TENM2: variants seen among roughly 807,000 people sequenced by gnomAD.
TENM2 encodes the protein teneurin transmembrane protein 2.
In TENM2, 52 loss-of-function variants were observed where a neutral mutation model predicts 245.2. That is an observed-to-expected ratio of 0.21 (90% CI 0.17 to 0.27). TENM2 has a LOEUF of 0.27. TENM2 is among the 10% of genes least tolerant of loss of function. TENM2 has a pLI of 1.00. For missense variants in TENM2, 3,046 were observed against 3,666.8 expected, an observed-to-expected ratio of 0.83 and a Z score of 4.37; for synonymous variants, 1,363 against 1,438.9, an observed-to-expected ratio of 0.95 and a Z score of 1.19.
intron 1 of TENM2, among the ~76,000 whole-genome samples, chr5:167,362,392 A>G (rs1033612206): frequency 2.0e-5 from 3 of 152,186 alleles, no homozygotes; most frequent in African/African-American, 7.2e-5. Flanking sequence ...CCCCTCAAAT[A>G]TTTGTGGTCT....
chr5:168,016,746 C>G (rs1366262843), intron 5 of TENM2, among the ~76,000 whole-genome samples: 1 of 152,336 alleles, frequency 6.6e-6, no homozygotes, highest in South Asian at 2.1e-4. Context: ...TAGAATGGCG[C>G]TGGAATCCCC....
intron 2 of TENM2, among the ~76,000 whole-genome samples, chr5:167,508,562 T>A (rs897460789): frequency 3.3e-5 from 5 of 152,210 alleles, no homozygotes; most frequent in Admixed American, 6.5e-5. Context: ...CTTTTCTATG[T>A]ATGTTATCAT....
intron 2 of TENM2, among the ~76,000 whole-genome samples, chr5:167,459,614 C>A (rs1766154463): frequency 6.6e-6 from 1 of 152,092 alleles, no homozygotes; most frequent in Non-Finnish European, 1.5e-5. Flanking sequence ...CTGATCATAC[C>A]ATTTTCCATA....
intron 2 of TENM2, among the ~76,000 whole-genome samples, chr5:167,711,121 C>T (rs1758879670): frequency 6.6e-6 from 1 of 152,074 alleles, no homozygotes; most frequent in South Asian, 2.1e-4. Context: ...AGGTTCAAAA[C>T]TAACAAGGAA....
intron 2 of TENM2, among the ~76,000 whole-genome samples, chr5:167,720,766 T>C (rs547714322): frequency 9.2e-5 from 14 of 152,348 alleles, no homozygotes; most frequent in Admixed American, 3.3e-4. Flanking sequence ...TGGACTGACA[T>C]CAGAGATTTG....
the TENM2 span, among the ~76,000 whole-genome samples, chr5:167,021,263 G>GA: frequency 2.6e-5 from 4 of 151,902 alleles, no homozygotes; most frequent in African/African-American, 9.7e-5. Context: ...AAGTAAGTAA[G>GA]AAAAAAAATG....
intron 3 of TENM2, among the ~76,000 whole-genome samples, chr5:167,916,206 C>T (rs1662677175): frequency 3.3e-5 from 5 of 152,122 alleles, no homozygotes; most frequent in Admixed American, 2.6e-4. Flanking sequence ...TTTGTGAGTA[C>T]GTGGCTTGCT....
At chr5:167,694,891 T>G (rs1006282191) in intron 2 of TENM2, among the ~76,000 whole-genome samples, 5 of 152,200 alleles carry the variant, frequency 3.3e-5, no homozygotes, top group African/African-American at 1.2e-4. Context: ...TATTTTACAC[T>G]TGAGTTGGTA....
At chr5:167,031,650 C>G in the TENM2 span, among the ~76,000 whole-genome samples, 1 of 152,076 alleles carries the variant, frequency 6.6e-6, no homozygotes, top group African/African-American at 2.4e-5. Context: ...CTGCAATCCC[C>G]GCCTCCTGGG....
exon 21 of TENM2, chr5:168,215,054 A>G (rs1301867828): frequency 1.2e-6 from 2 of 1,613,790 alleles, no homozygotes; most frequent in African/African-American, 1.3e-5. Flanking sequence ...AACCCAGCAC[A>G]CAAGTACTAC....
At chr5:167,158,630 TTA>T in the TENM2 span, among the ~76,000 whole-genome samples, 8 of 152,158 alleles carry the variant, frequency 5.3e-5, no homozygotes, top group Non-Finnish European at 1.5e-5. Flanking sequence ...CATCTTCTCC[TTA>T]TATCTTCACA....
At chr5:168,094,434 T>C (rs962179460) in intron 8 of TENM2, among the ~76,000 whole-genome samples, 8 of 152,078 alleles carry the variant, frequency 5.3e-5, no homozygotes, top group African/African-American at 1.7e-4. Flanking sequence ...AGATGCTCAG[T>C]GAGAAGCAAT....
chr5:167,470,454 C>CTTTTTTTTTTTTTTTTTTTTTTT lies in TENM2; in HGVS notation c.502+95003_502+95004insTTTTTTTTTTTTTTTTTTTTTTT, dbSNP rs749016436. 2.5e-3 allele frequency among the ~76,000 whole-genome samples: 119 copies of CTTTTTTTTTTTTTTTTTTTTTTT among 47,396 alleles called. 20 individuals are homozygous for CTTTTTTTTTTTTTTTTTTTTTTT. Among genetic ancestry groups the CTTTTTTTTTTTTTTTTTTTTTTT allele is most frequent in the East Asian group, 0.01 (13 of 1,254 alleles). The allele number at this position is 47,396 out of a possible 152,430, so 31.1% of individuals were successfully genotyped here. A position where few individuals can be genotyped will look rare whatever the true frequency, so the allele number is the denominator to read the frequency against. ...TACAGAGAGGTATGGGCAATGCTTGCTTTTTTTTTTTTTTTTTTTTTTGCT... is the reference window on the plus strand; with the variant it reads ...TACAGAGAGGTATGGGCAATGCTTGCTTTTTTTTTTTTTTTTTTTTTTTTTTTTTTTTTTTTTTTTTTTTTGCT... On this transcript the variant is annotated intron_variant, in intron 2 of 28. Coordinates refer to ENST00000518659, the Ensembl canonical transcript of TENM2.
chr5:167,829,052 G>A (rs900168450), intron 2 of TENM2, among the ~76,000 whole-genome samples: 6 of 152,216 alleles, frequency 3.9e-5, no homozygotes, highest in Non-Finnish European at 8.8e-5. Context: ...TGCTGCTACT[G>A]AGAGTGTTGT....
At chr5:168,228,910 A>C (rs568319389) in intron 25 of TENM2, among the ~76,000 whole-genome samples, 1 of 147,860 alleles carries the variant, frequency 6.8e-6, no homozygotes, top group African/African-American at 2.5e-5. Flanking sequence ...TTATATTATA[A>C]TGTAAACCCT....
At chr5:168,214,535 G>A (rs763238374) in intron 20 of TENM2, among the ~76,000 whole-genome samples, 9 of 152,210 alleles carry the variant, frequency 5.9e-5, no homozygotes, top group African/African-American at 1.2e-4. Flanking sequence ...GATTGGGGGC[G>A]GTTATGGGGT....
At chr5:167,268,546 G>A in the TENM2 span, among the ~76,000 whole-genome samples, 2 of 152,114 alleles carry the variant, frequency 1.3e-5, no homozygotes, top group Non-Finnish European at 2.9e-5. Flanking sequence ...TTCTTGGTGA[G>A]GCATGTTTGA....
the TENM2 span, among the ~76,000 whole-genome samples, chr5:167,178,156 A>G: frequency 1.3e-5 from 2 of 152,226 alleles, no homozygotes; most frequent in African/African-American, 4.8e-5. Context: ...ATTACATTGC[A>G]GTATTGCATC....
intron 2 of TENM2, among the ~76,000 whole-genome samples, chr5:167,674,639 T>C (rs187263200): frequency 6.6e-6 from 1 of 152,106 alleles, no homozygotes; most frequent in Non-Finnish European, 1.5e-5. Context: ...CTCAATTTCC[T>C]CACCTGTCAA....
Sources: gnomAD v4.1 joint callset for allele counts (sites outside exome capture counted in the v4.1 genomes callset) on GRCh38, gnomAD v4.1.1 for gene constraint, MANE v1.5 for transcripts, NCBI Gene and HGNC (gene_info 2026-07-23, HGNC 2026-07-21) for gene names.